Variants in CSMD3 observed in about 807,000 individuals in gnomAD.
CSMD3 encodes the protein CUB and Sushi multiple domains 3.
A neutral mutation model predicts 435.2 loss-of-function variants in CSMD3; 177 were observed. That is an observed-to-expected ratio of 0.41 (90% CI 0.36 to 0.46). CSMD3 has a LOEUF of 0.46. CSMD3 is among the 20% of genes least tolerant of loss of function. CSMD3 has a pLI of 0.34. For missense variants in CSMD3, 4,265 were observed against 4,504.6 expected (o/e 0.95, Z 1.52); for synonymous variants, 1,656 against 1,520.5 (o/e 1.09, Z -2.07).
chr8:113,175,720 T>C (rs1234873767), intron 3 of CSMD3, among the ~76,000 whole-genome samples: 1 of 151,976 alleles, frequency 6.6e-6, no homozygotes, highest in Non-Finnish European at 1.5e-5. Context: ...ACAAAATGAA[T>C]AAGAATTCAA....
At chr8:112,273,331 T>C (rs916803097) in intron 59 of CSMD3, among the ~76,000 whole-genome samples, 5 of 152,142 alleles carry the variant, frequency 3.3e-5, no homozygotes, top group Non-Finnish European at 7.4e-5. Flanking sequence ...CTCTGAACTA[T>C]TTTCATTATT....
intron 70 of CSMD3, 39 bp from the exon 71 acceptor site, chr8:112,224,969 C>A (rs1277995772): frequency 1.3e-6 from 2 of 1,593,428 alleles, no homozygotes; most frequent in East Asian, 2.2e-5. Context: ...TGTTAACTTT[C>A]TTCCAGAAAC....
chr8:113,190,581 C>G (rs2092569868), intron 3 of CSMD3, among the ~76,000 whole-genome samples: 1 of 151,672 alleles, frequency 6.6e-6, no homozygotes, highest in South Asian at 2.1e-4. Flanking sequence ...TCTTTTCAAC[C>G]CTTTTAACTG....
At chr8:112,506,219 A>G (rs1228458376) in intron 29 of CSMD3, among the ~76,000 whole-genome samples, 1 of 152,156 alleles carries the variant, frequency 6.6e-6, no homozygotes, top group East Asian at 1.9e-4. Context: ...TACTTAGGAA[A>G]AACAAACTGG....
chr8:112,365,456 C>T (rs566576280), intron 38 of CSMD3, among the ~76,000 whole-genome samples: 43 of 139,588 alleles, frequency 3.1e-4, no homozygotes, highest in African/African-American at 6.1e-4. Context: ...AAAAAAATTA[C>T]GCATAGATTT....
At chr8:112,387,195 T>C (rs549543979) in intron 36 of CSMD3, among the ~76,000 whole-genome samples, 6 of 151,282 alleles carry the variant, frequency 4.0e-5, no homozygotes, top group African/African-American at 1.5e-4. Flanking sequence ...TATTAACAAA[T>C]TGTTTGTTCA....
chr8:112,701,220 T>A (rs2076382265), intron 13 of CSMD3, among the ~76,000 whole-genome samples: 1 of 152,132 alleles, frequency 6.6e-6, no homozygotes, highest in Admixed American at 6.5e-5. Flanking sequence ...GGGATTAGAG[T>A]ATCTTAAGGT....
intron 32 of CSMD3, among the ~76,000 whole-genome samples, chr8:112,429,930 T>C (rs1813482822): frequency 6.6e-6 from 1 of 152,034 alleles, no homozygotes; most frequent in African/African-American, 2.4e-5. Flanking sequence ...CTGTGGACTT[T>C]ATAATGATAA....
intron 17 of CSMD3, among the ~76,000 whole-genome samples, chr8:112,663,636 T>TAA (rs535140221): frequency 2.0e-5 from 3 of 148,606 alleles, no homozygotes; most frequent in African/African-American, 4.9e-5. Flanking sequence ...TAAAGTATAA[T>TAA]AAAAAAAAAA....
rs1413735995 is a variant in CSMD3 at position 112,650,267 on chromosome 8, G to A, written c.3087C>T (p.Gly1029=). The change falls in exon 19 of 71, where the codon GGC becomes GGT. Residue 1029 remains glycine, a synonymous_variant. Transcript: ENST00000297405. ...GRRYGHDFSI[G]STVSFSCDSG... ...AATCACAACTAAATGAAACAGTAGA[G>A]CCAATGGAGAAATCATGACCATAGC... The A allele has an allele frequency of 6.2e-7, 1 of 1,613,702 alleles. No homozygotes were observed. Among genetic ancestry groups the A allele is most frequent in the Non-Finnish European group, 8.5e-7 (1 of 1,179,706 alleles).
At chr8:113,186,442 C>A (rs1007662713) in intron 3 of CSMD3, among the ~76,000 whole-genome samples, 3 of 151,980 alleles carry the variant, frequency 2.0e-5, no homozygotes, top group African/African-American at 7.2e-5. Flanking sequence ...GGATGTTGTA[C>A]ATTTACCTTT....
rs186056463 is a variant in CSMD3, at chr8:112,273,465, C to T, written c.9508+7709G>A. Reference sequence around the variant, plus strand: ...AAATTGAGTTGGACGGTGGCTCACACCTGTAATCCCAGCACTTTGGGAGGC... The same window carrying T: ...AAATTGAGTTGGACGGTGGCTCACATCTGTAATCCCAGCACTTTGGGAGGC... On this transcript the variant is annotated intron_variant, in intron 59 of 70. Coordinates refer to ENST00000297405, the MANE Select transcript of CSMD3 (RefSeq NM_198123.2). 3.2e-3 allele frequency among the ~76,000 whole-genome samples: 492 copies of T among 152,182 alleles called. 3 individuals carry two copies. Among genetic ancestry groups the T allele is most frequent in the African/African-American group, 0.011 (464 of 41,528 alleles).
intron 59 of CSMD3, among the ~76,000 whole-genome samples, chr8:112,266,026 C>A (rs1037909714): frequency 1.3e-5 from 2 of 152,064 alleles, no homozygotes; most frequent in Non-Finnish European, 2.9e-5. Context: ...TGCAGTGTCA[C>A]TCAGAAAGAC....
chr8:113,343,420 T>TCC (rs1241771411), intron 1 of CSMD3, among the ~76,000 whole-genome samples: 1 of 152,100 alleles, frequency 6.6e-6, no homozygotes, highest in East Asian at 1.9e-4. Context: ...ATACAAATTG[T>TCC]CCATTTGAAG....
intron 35 of CSMD3, among the ~76,000 whole-genome samples, chr8:112,391,668 G>T (rs1369419110): frequency 6.7e-6 from 1 of 149,928 alleles, no homozygotes; most frequent in Non-Finnish European, 1.5e-5. Flanking sequence ...CTCCAGCCTA[G>T]GAGACAGGAT....
At chr8:113,318,878 CTGAA>C (rs976499583) in intron 1 of CSMD3, among the ~76,000 whole-genome samples, 4 of 150,688 alleles carry the variant, frequency 2.7e-5, no homozygotes, top group African/African-American at 7.3e-5. Context: ...CTTTTTAAGG[CTGAA>C]TAAGATTCCA....
At chr8:113,186,421 C>T in intron 3 of CSMD3, among the ~76,000 whole-genome samples, 1 of 152,004 alleles carries the variant, frequency 6.6e-6, no homozygotes, top group East Asian at 1.9e-4. Flanking sequence ...AAAGTAGCAG[C>T]CTTTCAAACA....
At chr8:112,365,573 T>C (rs927989628) in intron 38 of CSMD3, among the ~76,000 whole-genome samples, 2 of 151,134 alleles carry the variant, frequency 1.3e-5, no homozygotes, top group South Asian at 4.2e-4. Flanking sequence ...AAAATACTAG[T>C]TTGAAAAAAT....
intron 22 of CSMD3, among the ~76,000 whole-genome samples, chr8:112,612,178 C>T (rs1200151842): frequency 6.6e-6 from 1 of 152,058 alleles, no homozygotes; most frequent in African/African-American, 2.4e-5. Context: ...TTTGATTTTC[C>T]TGAGAAAAAA....
Sources: gnomAD v4.1 joint callset for allele counts (sites outside exome capture counted in the v4.1 genomes callset) on GRCh38, gnomAD v4.1.1 for gene constraint, MANE v1.5 for transcripts, NCBI Gene and HGNC (gene_info 2026-07-23, HGNC 2026-07-21) for gene names.